TTLL5: variants seen among roughly 807,000 people sequenced by gnomAD.
TTLL5 encodes the protein tubulin polyglutamylase TTLL5.
Under a neutral mutation model 168.4 loss-of-function variants are expected in TTLL5, and 132 were observed. That is an observed-to-expected ratio of 0.78 (90% CI 0.68 to 0.91). The LOEUF is 0.91. Ranked by LOEUF, TTLL5 falls within the 40% of genes least tolerant of loss-of-function variation. The pLI is 0.00. For missense variants in TTLL5, 1,545 were observed against 1,581.5 expected, an observed-to-expected ratio of 0.98 and a Z score of 0.39; for synonymous variants, 546 against 558.6, an observed-to-expected ratio of 0.98 and a Z score of 0.32.
chr14:75,720,222 G>A (rs1028464437), intron 11 of TTLL5, among the ~76,000 whole-genome samples: 1 of 152,162 alleles, frequency 6.6e-6, no homozygotes, highest in East Asian at 1.9e-4. Flanking sequence ...TGAGCACAGG[G>A]CTTCAAATCA....
At chr14:75,662,949 T>G (rs759753567) in intron 1 of TTLL5, 106 bp from the exon 2 acceptor site, 9 of 671,810 alleles carry the variant, frequency 1.3e-5, no homozygotes, top group Non-Finnish European at 2.2e-5. Context: ...GAGCACTGTT[T>G]AGGAATATAG....
At chr14:75,897,143 A>G (rs1175930319) in intron 30 of TTLL5, among the ~76,000 whole-genome samples, 1 of 150,296 alleles carries the variant, frequency 6.7e-6, no homozygotes, top group African/African-American at 2.5e-5. Flanking sequence ...CCCTCAGAGT[A>G]GGAATAATGC....
In TTLL5 at chr14:75,690,437, T is replaced by G. The variant is rs371719785; in HGVS notation, c.502+115T>G. ...AGGGCTTTCCAAATCCTTAGACAACTGTGACTCTTTAGTAAAACAGTTGCA... is the reference window on the plus strand; with the variant it reads ...AGGGCTTTCCAAATCCTTAGACAACGGTGACTCTTTAGTAAAACAGTTGCA... On this transcript the variant is annotated intron_variant, in intron 6 of 31. Transcript: ENST00000298832. 2.6e-4 allele frequency: 342 copies of G among 1,296,746 alleles called. No individual in the cohort carries two copies. The African/African-American group carries it at 4.7e-3, about 18-fold the overall frequency. The allele number at this position is 1,296,746 out of a possible 1,614,324, so 80.3% of individuals were successfully genotyped here.
intron 31 of TTLL5, among the ~76,000 whole-genome samples, chr14:75,953,013 A>G (rs1401844119): frequency 6.6e-6 from 1 of 152,260 alleles, no homozygotes; most frequent in African/African-American, 2.4e-5. Flanking sequence ...TGAATTGTAC[A>G]ATATGTGAAT....
intron 31 of TTLL5, among the ~76,000 whole-genome samples, chr14:75,937,390 G>T (rs1291474078): frequency 6.6e-6 from 1 of 151,616 alleles, no homozygotes; most frequent in East Asian, 1.9e-4. Flanking sequence ...CTCCCAAAGT[G>T]CTGGGATTAC....
chr14:75,838,246 C>G (rs1361903243), intron 28 of TTLL5: 1 of 152,010 alleles, frequency 6.6e-6, no homozygotes, highest in Non-Finnish European at 1.5e-5. Flanking sequence ...AGTAAGAGGT[C>G]AGATAGCTAA....
chr14:75,683,778 T>TC (rs1884809735), intron 5 of TTLL5, 122 bp downstream of exon 5: 5 of 547,884 alleles, frequency 9.1e-6, no homozygotes, highest in Non-Finnish European at 1.1e-5. Flanking sequence ...AAGAAGGACT[T>TC]TTTTTTTTTT....
chr14:75,677,927 C>G (rs540108170), intron 3 of TTLL5, among the ~76,000 whole-genome samples: 105 of 152,180 alleles, frequency 6.9e-4, no homozygotes, highest in Non-Finnish European at 2.8e-4. Context: ...CCACCATGCC[C>G]AGACTTGTTA....
At chr14:75,914,033 A>ATAT (rs1555356334) in intron 31 of TTLL5, among the ~76,000 whole-genome samples, 26 of 71,096 alleles carry the variant, frequency 3.7e-4, no homozygotes, top group East Asian at 1.7e-3. Flanking sequence ...AAAAAAAAAA[A>ATAT]ATATATATAT....
intron 31 of TTLL5, among the ~76,000 whole-genome samples, chr14:75,947,442 C>T (rs958830748): frequency 6.6e-6 from 1 of 152,100 alleles, no homozygotes; most frequent in Non-Finnish European, 1.5e-5. Flanking sequence ...CAAGAAAGTG[C>T]TCAACCTTTT....
At position 75,776,787 on chromosome 14, in the gene TTLL5, T is replaced by C. The variant is rs767210913; in HGVS notation, c.2324T>C (p.Val775Ala). Reference sequence around the variant, plus strand: ...GCTGAAAAGAAATCAAAGAAGAAAGTTGAGGAAGAAGAGGAAGATGGGGTG... The same window carrying C: ...GCTGAAAAGAAATCAAAGAAGAAAGCTGAGGAAGAAGAGGAAGATGGGGTG... ...QMAEKKSKKK[V>A]EEEEEDGVNM... Residue 775 changes from valine to alanine, a missense_variant, in exon 23 of 32, where the codon GTT becomes GCT. Transcript: ENST00000298832. 1.1e-5 allele frequency: 17 copies of C among 1,613,760 alleles called. No individual in the cohort carries two copies. The African/African-American group carries it at 1.9e-4, about 18-fold the overall frequency.
intron 28 of TTLL5, among the ~76,000 whole-genome samples, chr14:75,861,650 G>A (rs994583485): frequency 6.6e-6 from 1 of 151,986 alleles, no homozygotes; most frequent in East Asian, 1.9e-4. Context: ...CCTTAACCAG[G>A]GTTTGGAGCA....
chr14:75,749,686 C>A (rs542373798), intron 17 of TTLL5, among the ~76,000 whole-genome samples: 48 of 152,220 alleles, frequency 3.2e-4, no homozygotes, highest in African/African-American at 1.1e-3. Context: ...GTAAGTTACT[C>A]TAACTCTCTT....
intron 30 of TTLL5, among the ~76,000 whole-genome samples, chr14:75,899,679 G>T (rs1475726083): frequency 6.6e-6 from 1 of 152,146 alleles, no homozygotes; most frequent in East Asian, 1.9e-4. Flanking sequence ...TGATGGGAGG[G>T]AAGAGGATGG....
At chr14:75,791,868 G>T (rs1368527098) in intron 26 of TTLL5, among the ~76,000 whole-genome samples, 1 of 151,878 alleles carries the variant, frequency 6.6e-6, no homozygotes, top group Non-Finnish European at 1.5e-5. Context: ...GATTTTTTTT[G>T]AAGAGATGTG....
intron 12 of TTLL5, among the ~76,000 whole-genome samples, chr14:75,726,459 G>A (rs1270059976): frequency 1.3e-5 from 2 of 152,014 alleles, no homozygotes; most frequent in African/African-American, 2.4e-5. Flanking sequence ...GCTAGTTATG[G>A]TGCAGGCTAC....
intron 9 of TTLL5, among the ~76,000 whole-genome samples, chr14:75,708,477 C>A (rs927411796): frequency 6.6e-6 from 1 of 152,048 alleles, no homozygotes; most frequent in African/African-American, 2.4e-5. Context: ...AGGTGCCCCC[C>A]ACCATGCCTG....
chr14:75,764,769 C>A lies in TTLL5; in HGVS notation c.1705C>A (p.Pro569Thr), dbSNP rs764559135. 3.7e-6 allele frequency: 6 copies of A among 1,613,990 alleles called. No homozygotes were observed. The South Asian group carries it at 5.5e-5, about 15-fold the overall frequency. ...SRLRAMRPKY[P>T]VITQPAEMNV... ...ATTGAGGGCAATGAGGCCAAAATAC[C>A]CAGGTACCTGCTGGTGAGCTTTCAC... The change falls in exon 19 of 32, where the codon CCA (proline) becomes ACA (threonine). Residue 569 changes from proline (P) to threonine (T), a missense_variant. Coordinates refer to ENST00000298832, the MANE Select transcript of TTLL5 (RefSeq NM_015072.5).
At chr14:75,732,620 A>G (rs1160508606) in intron 13 of TTLL5, among the ~76,000 whole-genome samples, 1 of 152,196 alleles carries the variant, frequency 6.6e-6, no homozygotes, top group Non-Finnish European at 1.5e-5. Context: ...CTGTCTTCCT[A>G]GTCAATTTAC....
Sources: gnomAD v4.1 joint callset for allele counts (sites outside exome capture counted in the v4.1 genomes callset) on GRCh38, gnomAD v4.1.1 for gene constraint, MANE v1.5 for transcripts, NCBI Gene and HGNC (gene_info 2026-07-23, HGNC 2026-07-21) for gene names.